THNSL1: variants seen among roughly 807,000 people sequenced by gnomAD.
THNSL1 encodes threonine synthase like 1.
THNSL1 carries 48 observed loss-of-function variants against 50.4 expected under a neutral mutation model. The observed-to-expected ratio is 0.95, with a 90% CI of 0.76 to 1.21. The LOEUF (loss-of-function observed/expected upper bound fraction) is 1.21, where lower values mean the gene tolerates loss of function less well. Ranked by LOEUF, THNSL1 falls within the 50% of genes most tolerant of loss-of-function variation. The pLI, the probability that THNSL1 is intolerant of heterozygous loss-of-function variation, is 0.00. For synonymous variants in THNSL1, 309 were observed against 306.1 expected (o/e 1.01, Z -0.10); for missense variants, 896 against 871.7 (o/e 1.03, Z -0.35).
the THNSL1 span, among the ~76,000 whole-genome samples, chr10:25,002,746 G>A: frequency 2.0e-5 from 3 of 151,812 alleles, no homozygotes; most frequent in Non-Finnish European, 4.4e-5. Context: ...TTCCTTTTAG[G>A]AGCCTTGCCT....
At chr10:25,019,726 C>T (rs1420437660) in intron 1 of THNSL1, among the ~76,000 whole-genome samples, 1 of 152,220 alleles carries the variant, frequency 6.6e-6, no homozygotes, top group Non-Finnish European at 1.5e-5. Flanking sequence ...TCCAATATCC[C>T]TCTCAATGCT....
At chr10:24,972,198 A>G in the THNSL1 span, among the ~76,000 whole-genome samples, 16 of 150,576 alleles carry the variant, frequency 1.1e-4, no homozygotes, top group Middle Eastern at 3.5e-3. Flanking sequence ...TCTTAAAAAA[A>G]AAAAAAGCTT....
At chr10:24,972,503 G>C in the THNSL1 span, among the ~76,000 whole-genome samples, 2 of 140,130 alleles carry the variant, frequency 1.4e-5, no homozygotes, top group East Asian at 1.9e-4. Context: ...GCAAGACTCT[G>C]TCTCAAAAAA....
At chr10:24,964,896 C>T in the THNSL1 span, among the ~76,000 whole-genome samples, 1 of 152,046 alleles carries the variant, frequency 6.6e-6, no homozygotes, top group East Asian at 1.9e-4. Flanking sequence ...AACCCCTTCT[C>T]TACTAAAAAT....
At chr10:25,009,053 C>T in the THNSL1 span, among the ~76,000 whole-genome samples, 23 of 152,024 alleles carry the variant, frequency 1.5e-4, no homozygotes, top group Middle Eastern at 3.2e-3. Context: ...GGGAATTGAA[C>T]AGTGAGAACA....
the THNSL1 span, among the ~76,000 whole-genome samples, chr10:24,958,418 C>T: frequency 6.6e-6 from 1 of 152,174 alleles, no homozygotes; most frequent in South Asian, 2.1e-4. Context: ...GACATTTTTT[C>T]TGCAAGTGCT....
chr10:24,952,565 C>G, the THNSL1 span: 1 of 1,592,052 alleles, frequency 6.3e-7, no homozygotes, highest in Non-Finnish European at 8.6e-7. The surrounding 1 kb of genome is among the most constrained non-coding windows in gnomAD (Gnocchi z 5.1). Flanking sequence ...CTCCTCGCTG[C>G]TCCCGGCCAT....
the THNSL1 span, among the ~76,000 whole-genome samples, chr10:24,960,118 AAG>A: frequency 4.0e-5 from 6 of 151,258 alleles, no homozygotes; most frequent in African/African-American, 1.5e-4. Flanking sequence ...TCTGAATAGC[AAG>A]AGAGATGAAA....
the THNSL1 span, among the ~76,000 whole-genome samples, chr10:24,968,817 G>A: frequency 6.6e-6 from 1 of 152,178 alleles, no homozygotes; most frequent in Non-Finnish European, 1.5e-5. Flanking sequence ...TGCTACCTTT[G>A]GAGAGACAGA....
chr10:25,018,659 G>GTTTTTTT (rs374289213), intron 1 of THNSL1, among the ~76,000 whole-genome samples: 13 of 93,724 alleles, frequency 1.4e-4, no homozygotes, highest in African/African-American at 2.8e-4. Context: ...AATGAGAGTT[G>GTTTTTTT]TTTTTTTTTT....
chr10:24,980,579 A>T, the THNSL1 span, among the ~76,000 whole-genome samples: 2 of 152,200 alleles, frequency 1.3e-5, no homozygotes, highest in African/African-American at 4.8e-5. Context: ...CAACTAGAAC[A>T]GTTCTTGGCA....
At chr10:24,969,737 C>T in the THNSL1 span, among the ~76,000 whole-genome samples, 1 of 152,348 alleles carries the variant, frequency 6.6e-6, no homozygotes, top group South Asian at 2.1e-4. Flanking sequence ...TATTTATCCT[C>T]TCTTATCATG....
chr10:24,952,714 G>A, the THNSL1 span: 719 of 814,106 alleles, frequency 8.8e-4, 6 homozygotes, highest in African/African-American at 0.012. This position sits in a 1 kb window ranked among gnomAD's most constrained non-coding sequence, Gnocchi z 5.1. Flanking sequence ...GCCCCGCCCC[G>A]GGCCCGCCGG....
the THNSL1 span, chr10:24,995,647 T>A: frequency 6.2e-6 from 10 of 1,607,688 alleles, no homozygotes; most frequent in Non-Finnish European, 8.5e-6. Flanking sequence ...CAAGGCTACC[T>A]TTTTATTGAT....
At chr10:24,979,881 C>T in the THNSL1 span, among the ~76,000 whole-genome samples, 6 of 152,218 alleles carry the variant, frequency 3.9e-5, no homozygotes, top group Admixed American at 1.3e-4. Flanking sequence ...GCGGCCCCGC[C>T]CCCGCCTCCC....
the THNSL1 span, among the ~76,000 whole-genome samples, chr10:24,972,290 C>A: frequency 1.3e-5 from 2 of 151,532 alleles, no homozygotes; most frequent in East Asian, 3.9e-4. Context: ...GGCGGATCAC[C>A]TGAGGTCAGG....
chr10:24,984,677 A>G, the THNSL1 span: 148 of 1,481,732 alleles, frequency 1.0e-4, no homozygotes, highest in African/African-American at 1.9e-3. Context: ...AGTTTTTTAT[A>G]TTTTCCATGT....
At chr10:24,952,704 GC>G in the THNSL1 span, 3 of 855,548 alleles carry the variant, frequency 3.5e-6, no homozygotes, top group African/African-American at 5.3e-5. The surrounding 1 kb of genome is among the most constrained non-coding windows in gnomAD (Gnocchi z 5.1). Context: ...GGACGGGTCC[GC>G]CCCGCCCCGG....
the THNSL1 span, among the ~76,000 whole-genome samples, chr10:24,999,004 A>T: frequency 1.3e-5 from 2 of 152,280 alleles, no homozygotes; most frequent in South Asian, 4.1e-4. Context: ...AACTGGTAGT[A>T]ATGGTTGTAA....
Sources: allele counts gnomAD v4.1 joint callset (sites outside exome capture counted in the v4.1 genomes callset), GRCh38; gene constraint gnomAD v4.1.1; non-coding constraint Gnocchi (gnomAD v3.1); transcripts MANE v1.5; gene names NCBI Gene and HGNC (gene_info 2026-07-23, HGNC 2026-07-21).